TMEM74: variants seen among roughly 807,000 people sequenced by gnomAD.
TMEM74 encodes the protein transmembrane protein 74.
In TMEM74, 13 loss-of-function variants were observed where a neutral mutation model predicts 18.1. That is an observed-to-expected ratio of 0.72 (90% CI 0.47 to 1.14). The LOEUF is 1.14. Among genes scored for constraint, TMEM74 ranks in the 50% most tolerant of loss-of-function variants. The pLI is 0.00. For missense variants in TMEM74, 372 were observed against 375.9 expected (o/e 0.99, Z 0.09); for synonymous variants, 159 against 146.6 (o/e 1.08, Z -0.61).
In TMEM74 at chr8:108,784,847, T is replaced by C. The variant is rs757123337; in HGVS notation, c.252A>G (p.Gly84=). ...TTTGGTTGTTCCCTGAGTGGAGAAG[T>C]CCTGGTGGAAAGGCATCTGGCTGAA... The part of the protein sequence containing the change: ...STLQPDAFPP[G]LLHSGNNQIT... The change falls in exon 2 of 2, where the codon GGA becomes GGG. Residue 84 remains glycine, a synonymous_variant. Transcript: ENST00000297459. 3 of 1,614,176 alleles carry C rather than the reference T, an allele frequency of 1.9e-6. No individual in the cohort carries two copies. Among genetic ancestry groups the C allele is most frequent in the Non-Finnish European group, 2.5e-6 (3 of 1,180,024 alleles).
chr8:108,649,107 T>C (rs1361614037), intron 2 of TMEM74, among the ~76,000 whole-genome samples: 1 of 152,184 alleles, frequency 6.6e-6, no homozygotes, highest in Non-Finnish European at 1.5e-5. Context: ...GTTGTCTGAA[T>C]AGTAATGAAC....
At chr8:108,710,894 C>T (rs1031961988) in intron 1 of TMEM74, among the ~76,000 whole-genome samples, 2 of 152,130 alleles carry the variant, frequency 1.3e-5, no homozygotes, top group African/African-American at 4.8e-5. Flanking sequence ...TGGCTTAGAG[C>T]CAAATGATGA....
At chr8:108,787,115 G>A (rs1328756396) in intron 1 of TMEM74, among the ~76,000 whole-genome samples, 1 of 152,082 alleles carries the variant, frequency 6.6e-6, no homozygotes, top group Non-Finnish European at 1.5e-5. Flanking sequence ...ACCTTAAAGC[G>A]AGGGGACACG....
intron 1 of TMEM74, among the ~76,000 whole-genome samples, chr8:108,764,319 C>T (rs1814077489): frequency 6.6e-6 from 1 of 151,970 alleles, no homozygotes; most frequent in South Asian, 2.1e-4. Flanking sequence ...ATAGTCAGGA[C>T]TAAACAAACA....
rs1814317551 is a variant in TMEM74, at chr8:108,782,343, A to ATAACTG, written c.*1837_*1838insCAGTTA. Among the ~76,000 whole-genome samples the ATAACTG allele has an allele frequency of 1.3e-5, 2 of 152,204 alleles. No individual in the cohort carries two copies. Among genetic ancestry groups the ATAACTG allele is most frequent in the Non-Finnish European group, 2.9e-5 (2 of 68,036 alleles). On this transcript the variant is annotated 3_prime_UTR_variant, in exon 2 of 2. Coordinates refer to ENST00000297459, the MANE Select transcript of TMEM74 (RefSeq NM_153015.3). ...GCAAAAATCATGTTTATGTCATCTC[A>ATAACTG]ATTCTTTCTTTTCAGTAATCAGTAT...
At chr8:108,767,943 T>G (rs993004227) in intron 1 of TMEM74, among the ~76,000 whole-genome samples, 6 of 152,164 alleles carry the variant, frequency 3.9e-5, no homozygotes, top group Non-Finnish European at 8.8e-5. Flanking sequence ...TGAAATCAAA[T>G]GATACGCTTC....
At position 108,784,582 on chromosome 8, in the gene TMEM74, A is replaced by C. The variant is rs1260231221; in HGVS notation, c.517T>G (p.Ser173Ala). ...TSSEATSSGK[S>A]IDYGFISAIL... The stretch of plus-strand genomic sequence containing the variant: ...GCGCTGATGAAACCATAGTCTATAG[A>C]CTTCCCTGAAGACGTGGCTTCTGAA... Residue 173 changes from serine to alanine, a missense_variant, in exon 2 of 2, where the codon TCT (serine) becomes GCT (alanine). Ser to Ala is a moderately conservative substitution (Grantham distance 99). Transcript: ENST00000297459. 6.2e-7 allele frequency: 1 copy of C among 1,614,030 alleles called. No homozygotes were observed.
At chr8:108,742,171 G>GA (rs1319105710) in intron 1 of TMEM74, among the ~76,000 whole-genome samples, 2 of 151,638 alleles carry the variant, frequency 1.3e-5, no homozygotes, top group Admixed American at 1.3e-4. Flanking sequence ...GAGAGGAGCA[G>GA]AAAAAAAATA....
chr8:108,648,917 A>T (rs1408651908), intron 2 of TMEM74, among the ~76,000 whole-genome samples: 2 of 152,208 alleles, frequency 1.3e-5, no homozygotes, highest in African/African-American at 4.8e-5. Flanking sequence ...GGAACCGCTA[A>T]ACAATACACT....
chr8:108,678,515 C>A (rs1436764138), intron 1 of TMEM74, among the ~76,000 whole-genome samples: 2 of 150,240 alleles, frequency 1.3e-5, no homozygotes, highest in Non-Finnish European at 3.0e-5. Context: ...CAGGCACCCA[C>A]CCCTGCACCC....
At chr8:108,740,489 C>A (rs1000181602) in intron 1 of TMEM74, among the ~76,000 whole-genome samples, 1 of 152,172 alleles carries the variant, frequency 6.6e-6, no homozygotes, top group African/African-American at 2.4e-5. Flanking sequence ...AGGCATACCT[C>A]GTTTCATTGC....
At chr8:108,722,818 A>G (rs972879151) in intron 1 of TMEM74, among the ~76,000 whole-genome samples, 1 of 152,124 alleles carries the variant, frequency 6.6e-6, no homozygotes, top group Non-Finnish European at 1.5e-5. Context: ...AAAATCATTC[A>G]TCTTCATATT....
chr8:108,684,675 C>T (rs1813149957), intron 1 of TMEM74, among the ~76,000 whole-genome samples: 1 of 145,092 alleles, frequency 6.9e-6, no homozygotes, highest in Non-Finnish European at 1.5e-5. Flanking sequence ...GAAGCATTTA[C>T]CCTATGTTTT....
chr8:108,616,200 G>A (rs984314261), intron 2 of TMEM74, among the ~76,000 whole-genome samples: 1 of 152,178 alleles, frequency 6.6e-6, no homozygotes, highest in Non-Finnish European at 1.5e-5. Flanking sequence ...AGTACTGCCA[G>A]CAGCTGGGGA....
At chr8:108,749,904 T>C (rs1813887688) in intron 1 of TMEM74, among the ~76,000 whole-genome samples, 1 of 152,088 alleles carries the variant, frequency 6.6e-6, no homozygotes. Context: ...GATGTCTTGG[T>C]CTAGAGCTGA....
intron 1 of TMEM74, among the ~76,000 whole-genome samples, chr8:108,677,488 T>C (rs1813065461): frequency 6.6e-6 from 1 of 151,988 alleles, no homozygotes; most frequent in African/African-American, 2.4e-5. Context: ...TTAAATTTAA[T>C]GTGAAAGAAA....
intron 2 of TMEM74, among the ~76,000 whole-genome samples, chr8:108,621,620 C>T (rs958122879): frequency 7.9e-5 from 12 of 152,154 alleles, no homozygotes; most frequent in African/African-American, 2.4e-4. Flanking sequence ...AAGTGCTTTG[C>T]TGTATCCATG....
Position 108,765,624 on chromosome 8 carries a change from G to A in TMEM74, n.119+21852C>T, listed in dbSNP as rs143823104. The stretch of plus-strand genomic sequence containing the variant: ...GGGTTTCACCATGATGGCCAGGCTG[G>A]TCTCAAACTCCTGACCTCAAGTGAT... On this transcript the variant is annotated intron_variant and non_coding_transcript_variant, in intron 1 of 3. Coordinates refer to the TMEM74 transcript ENST00000518838. 7.2e-3 allele frequency among the ~76,000 whole-genome samples: 1,094 copies of A among 151,980 alleles called. 12 individuals carry two copies. Among genetic ancestry groups the A allele is most frequent in the African/African-American group, 0.025 (1,050 of 41,484 alleles).
rs1391344038 is a variant in TMEM74, at chr8:108,783,278, C to T, written c.*903G>A. ...AACAAGATGTTACCTGGAAGCACAC[C>T]AGAGCCAATCATGACTCAGGCCTGT... On this transcript the variant is annotated 3_prime_UTR_variant, in exon 2 of 2. Coordinates refer to ENST00000297459, the MANE Select transcript of TMEM74 (RefSeq NM_153015.3). 6.6e-6 allele frequency among the ~76,000 whole-genome samples: 1 copy of T among 152,106 alleles called. No individual in the cohort carries two copies. Among genetic ancestry groups the T allele is most frequent in the Admixed American group, 6.5e-5 (1 of 15,274 alleles).
Sources: gnomAD v4.1 joint callset for allele counts (sites outside exome capture counted in the v4.1 genomes callset) on GRCh38, gnomAD v4.1.1 for gene constraint, MANE v1.5 for transcripts, NCBI Gene and HGNC (gene_info 2026-07-23, HGNC 2026-07-21) for gene names.